The following FRMD4A variants were observed in gnomAD, a reference collection of about 807,000 sequenced individuals.
FRMD4A encodes the protein FERM domain-containing protein 4A.
A neutral mutation model predicts 129.1 loss-of-function variants in FRMD4A; 29 were observed. The observed-to-expected ratio is 0.22, with a 90% confidence interval of 0.17 to 0.31. The LOEUF (loss-of-function observed/expected upper bound fraction) is 0.31. Ranked by LOEUF, FRMD4A falls within the 10% of genes least tolerant of loss-of-function variation. The probability of loss-of-function intolerance (pLI) is 1.00; values close to 1 mark genes in which losing one functional copy is unlikely to be tolerated. For synonymous variants in FRMD4A, 634 were observed against 571.6 expected, an observed-to-expected ratio of 1.11 and a Z score of -1.56; for missense variants, 1,272 against 1,375.8, an observed-to-expected ratio of 0.92 and a Z score of 1.19.
intron 8 of FRMD4A, among the ~76,000 whole-genome samples, chr10:13,748,959 T>A (rs2895581): frequency 0.32 from 48,454 of 151,962 alleles, 8,296 homozygotes; most frequent in African/African-American, 0.45. Flanking sequence ...CACACATGCT[T>A]AGGTTTGGAA....
chr10:13,737,192 C>T (rs1054254922), intron 12 of FRMD4A, among the ~76,000 whole-genome samples: 6 of 152,196 alleles, frequency 3.9e-5, no homozygotes, highest in Non-Finnish European at 5.9e-5. Context: ...CGGGCTCAAG[C>T]GATTCTCATG....
At chr10:13,865,652 T>A (rs2094357897) in intron 2 of FRMD4A, among the ~76,000 whole-genome samples, 1 of 151,728 alleles carries the variant, frequency 6.6e-6, no homozygotes, top group African/African-American at 2.4e-5. Context: ...CGTCTCACTA[T>A]GTAAATTCTT....
chr10:14,219,270 G>A (rs1378878103), intron 2 of FRMD4A, among the ~76,000 whole-genome samples: 1 of 152,020 alleles, frequency 6.6e-6, no homozygotes, highest in Non-Finnish European at 1.5e-5. Context: ...TGTCTTAAGG[G>A]GCAACCATTC....
At chr10:14,212,104 C>T (rs1842948813) in intron 2 of FRMD4A, among the ~76,000 whole-genome samples, 1 of 152,136 alleles carries the variant, frequency 6.6e-6, no homozygotes, top group African/African-American at 2.4e-5. Context: ...CTCCAAATTG[C>T]ATCTCTTCTC....
At chr10:13,660,579 C>A in intron 19 of FRMD4A, 26 bp from the exon 20 acceptor site, 1 of 1,429,798 alleles carries the variant, frequency 7.0e-7, no homozygotes, top group Non-Finnish European at 9.7e-7. Context: ...AAGAGAGGAA[C>A]TGAGCCCCGG....
At chr10:14,017,221 T>G (rs1476017649) in intron 2 of FRMD4A, among the ~76,000 whole-genome samples, 1 of 152,130 alleles carries the variant, frequency 6.6e-6, no homozygotes, top group African/African-American at 2.4e-5. Context: ...ATTAAACGGG[T>G]AATAAGCTGA....
intron 3 of FRMD4A, among the ~76,000 whole-genome samples, chr10:13,817,081 ACCTCCTTGCAAACATC>A (rs1459205792): frequency 6.6e-6 from 1 of 150,694 alleles, no homozygotes; most frequent in Non-Finnish European, 1.5e-5. Flanking sequence ...GACAAATAAA[ACCTCCTTGCAAACATC>A]CCTCCTTAAC....
At chr10:13,693,457 A>C (rs891863345) in intron 15 of FRMD4A, 1 of 1,092,272 alleles carries the variant, frequency 9.2e-7, no homozygotes, top group Non-Finnish European at 1.1e-6. Context: ...AGTATTCCGC[A>C]TTTTTAAAAG....
intron 2 of FRMD4A, among the ~76,000 whole-genome samples, chr10:14,299,434 C>T (rs189880820): frequency 6.6e-6 from 1 of 152,244 alleles, no homozygotes; most frequent in South Asian, 2.1e-4. Flanking sequence ...GGGGTACCTG[C>T]TATAGCCTGG....
At chr10:13,850,469 T>G (rs1564909378) in intron 3 of FRMD4A, among the ~76,000 whole-genome samples, 1 of 152,210 alleles carries the variant, frequency 6.6e-6, no homozygotes, top group African/African-American at 2.4e-5. Flanking sequence ...CTTCCACACC[T>G]GCTAGCCCGA....
chr10:14,121,592 C>T lies in FRMD4A; in HGVS notation c.45+208466G>A, dbSNP rs185679371. Among the ~76,000 whole-genome samples the T allele has an allele frequency of 1.4e-3, 208 of 152,248 alleles. 1 individual carries two copies. Among genetic ancestry groups the T allele is most frequent in the African/African-American group, 4.8e-3 (200 of 41,558 alleles). ...AATGCCACTGAGAGGTGTGAAAGGGCAAAGCAACATCCCTGGAGCAGGTCT... is the reference window on the plus strand; with the variant it reads ...AATGCCACTGAGAGGTGTGAAAGGGTAAAGCAACATCCCTGGAGCAGGTCT... On this transcript the variant is annotated intron_variant, in intron 2 of 24. Transcript: ENST00000357447.
At chr10:14,274,188 C>A (rs565331707) in intron 2 of FRMD4A, among the ~76,000 whole-genome samples, 3 of 152,172 alleles carry the variant, frequency 2.0e-5, no homozygotes, top group Non-Finnish European at 4.4e-5. Context: ...CCAGGCAGGC[C>A]GCCACTGGCC....
intron 2 of FRMD4A, among the ~76,000 whole-genome samples, chr10:13,998,104 A>G (rs11258789): frequency 0.019 from 2,891 of 152,212 alleles, 93 homozygotes; most frequent in East Asian, 0.13. Flanking sequence ...CATGGAGCCC[A>G]TCTCTAAGCT....
At chr10:14,083,644 A>G (rs568050939) in intron 2 of FRMD4A, 2 of 152,374 alleles carry the variant, frequency 1.3e-5, no homozygotes, top group Admixed American at 6.5e-5. Context: ...GGACTTGGAC[A>G]GTGTCTCTAG....
intron 14 of FRMD4A, among the ~76,000 whole-genome samples, chr10:13,696,304 C>T (rs1336038582): frequency 6.6e-6 from 1 of 152,198 alleles, no homozygotes; most frequent in Non-Finnish European, 1.5e-5. Context: ...CAACCCATGA[C>T]TTCCTTTCTT....
intron 2 of FRMD4A, among the ~76,000 whole-genome samples, chr10:14,126,825 T>C (rs1359330140): frequency 1.7e-5 from 2 of 116,886 alleles, no homozygotes; most frequent in East Asian, 6.3e-4. Flanking sequence ...TCAATAGGAA[T>C]GTGCCTCAGG....
intron 2 of FRMD4A, among the ~76,000 whole-genome samples, chr10:14,042,911 C>G (rs1257985886): frequency 4.0e-5 from 4 of 100,330 alleles, no homozygotes; most frequent in African/African-American, 1.6e-4. Flanking sequence ...GGTGATAGAG[C>G]AAGACTCCAT....
intron 2 of FRMD4A, among the ~76,000 whole-genome samples, chr10:14,028,376 A>C (rs901713003): frequency 6.6e-6 from 1 of 152,146 alleles, no homozygotes; most frequent in Non-Finnish European, 1.5e-5. Flanking sequence ...CTTGGGAAAT[A>C]TGAATGTAGA....
chr10:13,901,834 G>T (rs2094823253), intron 2 of FRMD4A, among the ~76,000 whole-genome samples: 1 of 152,064 alleles, frequency 6.6e-6, no homozygotes, highest in South Asian at 2.1e-4. Flanking sequence ...CGGGGACAGG[G>T]CAGGAAGCTG....
Sources: gnomAD v4.1 joint callset for allele counts (sites outside exome capture counted in the v4.1 genomes callset) on GRCh38, gnomAD v4.1.1 for gene constraint, MANE v1.5 for transcripts, NCBI Gene and HGNC (gene_info 2026-07-23, HGNC 2026-07-21) for gene names.